IMMP2L: variants seen among roughly 807,000 people sequenced by gnomAD.
The protein encoded by IMMP2L is inner mitochondrial membrane peptidase subunit 2.
IMMP2L carries 18 observed loss-of-function variants against 19.3 expected under a neutral mutation model. That is an observed-to-expected ratio of 0.93 (90% CI 0.64 to 1.38). IMMP2L has a LOEUF of 1.38. IMMP2L is among the 40% of genes most tolerant of loss of function. The pLI, the probability that IMMP2L is intolerant of heterozygous loss-of-function variation, is 0.00. For synonymous variants in IMMP2L, 76 were observed against 73.0 expected (o/e 1.04, Z -0.21); for missense variants, 233 against 218.2 (o/e 1.07, Z -0.43).
intron 5 of IMMP2L, among the ~76,000 whole-genome samples, chr7:110,840,407 A>G (rs1002752682): frequency 1.3e-5 from 2 of 152,188 alleles, no homozygotes; most frequent in Non-Finnish European, 2.9e-5. Flanking sequence ...TATAACATAT[A>G]AAAATAAACA....
intron 3 of IMMP2L, among the ~76,000 whole-genome samples, chr7:111,479,889 T>C (rs1004433562): frequency 2.0e-5 from 3 of 152,160 alleles, no homozygotes; most frequent in African/African-American, 4.8e-5. Context: ...GCAGAAGCTA[T>C]GTATAACTCC....
intron 5 of IMMP2L, among the ~76,000 whole-genome samples, chr7:110,853,674 T>C (rs1806468102): frequency 6.6e-6 from 1 of 152,034 alleles, no homozygotes. Flanking sequence ...GACTATAATT[T>C]TTCTATTTTT....
At chr7:110,706,646 T>C (rs1794702843) in intron 5 of IMMP2L, among the ~76,000 whole-genome samples, 1 of 152,186 alleles carries the variant, frequency 6.6e-6, no homozygotes, top group Admixed American at 6.5e-5. Flanking sequence ...GCTACTTGTA[T>C]GTCTTCTTTC....
At chr7:110,997,661 T>A (rs1282395809) in intron 3 of IMMP2L, among the ~76,000 whole-genome samples, 4 of 152,178 alleles carry the variant, frequency 2.6e-5, no homozygotes, top group Non-Finnish European at 5.9e-5. Context: ...GCATATACTT[T>A]TCAGTGATTT....
intron 3 of IMMP2L, among the ~76,000 whole-genome samples, chr7:111,147,424 T>C (rs76256272): frequency 0.042 from 6,358 of 152,224 alleles, 198 homozygotes; most frequent in South Asian, 0.081. Context: ...GACTGAAAGT[T>C]GTCTGTAGGC....
At chr7:111,328,374 G>A (rs1339684708) in intron 3 of IMMP2L, among the ~76,000 whole-genome samples, 1 of 151,738 alleles carries the variant, frequency 6.6e-6, no homozygotes, top group Non-Finnish European at 1.5e-5. Context: ...GGAGCCCACA[G>A]AATGATACTT....
At chr7:111,169,511 G>C (rs1256611940) in intron 3 of IMMP2L, among the ~76,000 whole-genome samples, 1 of 151,856 alleles carries the variant, frequency 6.6e-6, no homozygotes, top group Non-Finnish European at 1.5e-5. Flanking sequence ...TCAGCGTTCT[G>C]AGGGAGAACA....
At position 110,964,619 on chromosome 7, in the gene IMMP2L, G is replaced by A. The variant is rs73201014; in HGVS notation, c.240-1054C>T. ...TCTAAATAAATCTCTGCCTCTCCTG[G>A]TATGTATATCCTATGCAGTTCCTTT... On this transcript the variant is annotated intron_variant, in intron 3 of 5. Coordinates refer to ENST00000405709, the MANE Select transcript of IMMP2L (RefSeq NM_032549.4). Among the ~76,000 whole-genome samples the A allele has an allele frequency of 2.1e-3, 320 of 152,050 alleles. 2 individuals are homozygous for A. Among genetic ancestry groups the A allele is most frequent in the Non-Finnish European group, 3.3e-3 (227 of 67,954 alleles).
At chr7:111,447,855 GGAA>G (rs1838672135) in intron 3 of IMMP2L, among the ~76,000 whole-genome samples, 1 of 151,480 alleles carries the variant, frequency 6.6e-6, no homozygotes. Flanking sequence ...ATAAAAGGAT[GGAA>G]GAAGATCTAC....
At chr7:111,362,275 A>G (rs1309296247) in intron 3 of IMMP2L, among the ~76,000 whole-genome samples, 1 of 152,072 alleles carries the variant, frequency 6.6e-6, no homozygotes, top group African/African-American at 2.4e-5. Flanking sequence ...ATCCTCTATC[A>G]TACTTCTCTT....
chr7:111,412,645 C>T (rs1764171234), intron 3 of IMMP2L, among the ~76,000 whole-genome samples: 1 of 151,772 alleles, frequency 6.6e-6, no homozygotes, highest in Non-Finnish European at 1.5e-5. Context: ...AACAGTGTTT[C>T]CCCAAATGTG....
At position 110,924,342 on chromosome 7, in the gene IMMP2L, G is replaced by C. The variant is rs1259439043; in HGVS notation, c.306-37647C>G. ...TGGATAGGGATCGGGATTTATTTTT[G>C]TTTCTCTTCTAAGAAGTCCTCTGGA... is the stretch of plus-strand genomic sequence containing the variant. On this transcript the variant is annotated intron_variant, in intron 4 of 5. Coordinates refer to ENST00000405709, the MANE Select transcript of IMMP2L (RefSeq NM_032549.4). The surrounding 1 kb of genome is among the most constrained non-coding windows in gnomAD (Gnocchi z 4.2). Among the ~76,000 whole-genome samples, 1 of 152,032 alleles carries C rather than the reference G, an allele frequency of 6.6e-6. No individual in the cohort carries two copies. The highest frequency in any genetic ancestry group is 2.4e-5 in the African/African-American group (1 of 41,392).
chr7:111,044,942 C>T (rs188467228), intron 3 of IMMP2L, among the ~76,000 whole-genome samples: 149 of 151,692 alleles, frequency 9.8e-4, no homozygotes, highest in African/African-American at 3.5e-3. Flanking sequence ...AGGCAGCTAA[C>T]AGAGCTGTGA....
intron 3 of IMMP2L, among the ~76,000 whole-genome samples, chr7:111,053,252 T>G (rs1197319750): frequency 6.6e-6 from 1 of 152,214 alleles, no homozygotes; most frequent in Non-Finnish European, 1.5e-5. Flanking sequence ...TCCAGGGTGT[T>G]GCATCCCTTC....
At chr7:111,540,417 A>C (rs1848410517) in intron 1 of IMMP2L, among the ~76,000 whole-genome samples, 1 of 152,260 alleles carries the variant, frequency 6.6e-6, no homozygotes, top group Non-Finnish European at 1.5e-5. Context: ...ACTTGCAATC[A>C]AGTCCAGGCT....
At chr7:110,765,699 C>A (rs374518238) in intron 5 of IMMP2L, among the ~76,000 whole-genome samples, 1 of 152,002 alleles carries the variant, frequency 6.6e-6, no homozygotes, top group African/African-American at 2.4e-5. Flanking sequence ...TTGTGCAGTG[C>A]GCTGTCTGTT....
intron 5 of IMMP2L, among the ~76,000 whole-genome samples, chr7:110,839,189 C>A (rs1349495451): frequency 3.3e-5 from 5 of 151,476 alleles, no homozygotes; most frequent in African/African-American, 4.9e-5. Flanking sequence ...GAAGGACAGA[C>A]CTTGGAATAT....
At position 111,281,180 on chromosome 7, in the gene IMMP2L, A is replaced by G. The variant is rs1001759856; in HGVS notation, c.239+206058T>C. On this transcript the variant is annotated intron_variant, in intron 3 of 5. Transcript: ENST00000405709. ...ACAGAAAGAAAGAAAGAAAGAAAGA[A>G]AGAAAGAAAGAAAGAAAGAAAGAAA... Among the ~76,000 whole-genome samples the G allele has an allele frequency of 6.2e-4, 36 of 58,526 alleles. 3 individuals carry two copies. Among genetic ancestry groups the G allele is most frequent in the African/African-American group, 2.5e-3 (35 of 14,118 alleles). 38.4% of individuals were successfully genotyped at this position (58,526 alleles called of 152,430 possible).
chr7:111,150,769 C>A (rs1586583794), intron 3 of IMMP2L, among the ~76,000 whole-genome samples: 1 of 152,166 alleles, frequency 6.6e-6, no homozygotes, highest in Non-Finnish European at 1.5e-5. Context: ...ATTGGCTATT[C>A]TTTTCTCAGA....
Sources: gnomAD v4.1 joint callset for allele counts (sites outside exome capture counted in the v4.1 genomes callset) on GRCh38, gnomAD v4.1.1 for gene constraint, Gnocchi (gnomAD v3.1) non-coding constraint, MANE v1.5 for transcripts, NCBI Gene and HGNC (gene_info 2026-07-23, HGNC 2026-07-21) for gene names.